RNF182: variants seen among roughly 807,000 people sequenced by gnomAD.
RNF182 encodes the protein ring finger protein 182.
In RNF182, 15 loss-of-function variants were observed where a neutral mutation model predicts 14.4. The ratio of observed to expected loss-of-function variants is 1.04; its 90% CI spans 0.70 to 1.60. The LOEUF is 1.60. RNF182 is among the 40% of genes most tolerant of loss of function. The probability of loss-of-function intolerance (pLI) is 0.00; values close to 1 mark genes in which losing one functional copy is unlikely to be tolerated. For missense variants in RNF182, 268 were observed against 294.8 expected (o/e 0.91, Z 0.67); for synonymous variants, 128 against 122.9 (o/e 1.04, Z -0.27).
At chr6:13,950,986 G>A (rs1383542087) in intron 1 of RNF182, among the ~76,000 whole-genome samples, 2 of 151,776 alleles carry the variant, frequency 1.3e-5, no homozygotes, top group Non-Finnish European at 2.9e-5. Flanking sequence ...TAGTAGAGAC[G>A]GGGTGTCACC....
rs768587531 is a variant in RNF182 at position 13,977,148 on chromosome 6, C to T, written c.29C>T (p.Ala10Val). 5.6e-6 allele frequency: 9 copies of T among 1,613,674 alleles called. No homozygotes were observed. The highest frequency in any genetic ancestry group is 4.4e-5 in the South Asian group (4 of 91,024). Reference sequence around the variant, plus strand: ...GCCAGTCAACCTCCTGAAGACACTGCGGAGTCTCAGGCCTCTGATGAGCTG... The same window carrying T: ...GCCAGTCAACCTCCTGAAGACACTGTGGAGTCTCAGGCCTCTGATGAGCTG... Reference protein sequence around the residue: MASQPPEDTAESQASDELEC... With the variant: MASQPPEDTVESQASDELEC... Residue 10 changes from alanine to valine, a missense_variant, in exon 3 of 3, where the codon GCG becomes GTG. Ala to Val is a moderately conservative substitution (Grantham distance 64). Coordinates refer to ENST00000488300, the MANE Select transcript of RNF182 (RefSeq NM_152737.4).
chr6:13,936,838 A>G (rs1435069702), intron 1 of RNF182, among the ~76,000 whole-genome samples: 1 of 152,206 alleles, frequency 6.6e-6, no homozygotes, highest in East Asian at 1.9e-4. Context: ...AGTGTGGGTA[A>G]AAGAGCTATA....
At chr6:13,954,576 T>C (rs955779914) in intron 1 of RNF182, among the ~76,000 whole-genome samples, 3 of 152,158 alleles carry the variant, frequency 2.0e-5, no homozygotes, top group Non-Finnish European at 4.4e-5. Flanking sequence ...AAATTTTTTT[T>C]TTAGCTCTTT....
At chr6:13,943,282 C>CTT (rs79895436) in intron 1 of RNF182, among the ~76,000 whole-genome samples, 3 of 142,962 alleles carry the variant, frequency 2.1e-5, no homozygotes, top group Admixed American at 7.0e-5. Context: ...GTGGTTCCTG[C>CTT]TTTTTTTTTT....
intron 1 of RNF182, among the ~76,000 whole-genome samples, chr6:13,939,096 C>A (rs1315243113): frequency 1.3e-5 from 2 of 152,044 alleles, no homozygotes; most frequent in Non-Finnish European, 1.5e-5. Context: ...AAAAACAAAA[C>A]CAAAAAGTGT....
rs1759853582 is a variant in RNF182 at position 13,960,692 on chromosome 6, T to TCAC, written c.-366-13518_-366-13517insCAC. Among the ~76,000 whole-genome samples, 50 of 137,802 alleles carry TCAC rather than the reference T, an allele frequency of 3.6e-4. 1 individual carries two copies. Among genetic ancestry groups the TCAC allele is most frequent in the Admixed American group, 2.5e-3 (35 of 13,840 alleles). 90.4% of individuals were successfully genotyped at this position (137,802 alleles called of 152,430 possible). ...GTGTGTGTGTGTGTGTGTGTGTGTGTGCGCGCGTGCACATGCATGTGATGT... is the reference window on the plus strand; with the variant it reads ...GTGTGTGTGTGTGTGTGTGTGTGTGTCACGCGCGCGTGCACATGCATGTGATGT... On this transcript the variant is annotated intron_variant, in intron 1 of 2. Coordinates refer to ENST00000488300, the MANE Select transcript of RNF182 (RefSeq NM_152737.4).
intron 1 of RNF182, among the ~76,000 whole-genome samples, chr6:13,959,809 T>C (rs1159137987): frequency 4.6e-5 from 7 of 152,058 alleles, no homozygotes; most frequent in Non-Finnish European, 8.8e-5. Flanking sequence ...CCTGTTAAAT[T>C]TGAAGTGTTT....
chr6:13,924,708 T>C (rs1758766024), upstream of RNF182: 1 of 151,828 alleles, frequency 6.6e-6, no homozygotes, highest in South Asian at 2.1e-4. Context: ...CGCTCCGCTT[T>C]AGCCTTCCCC....
chr6:13,940,170 TAAG>T, intron 1 of RNF182, among the ~76,000 whole-genome samples: 1 of 152,334 alleles, frequency 6.6e-6, no homozygotes, highest in Non-Finnish European at 1.5e-5. Flanking sequence ...TTTTATCGAT[TAAG>T]AAGATCTCTT....
At chr6:13,930,050 C>T (rs1451242568) in intron 1 of RNF182, among the ~76,000 whole-genome samples, 1 of 152,138 alleles carries the variant, frequency 6.6e-6, no homozygotes, top group Non-Finnish European at 1.5e-5. Flanking sequence ...AGAATATAGT[C>T]AGCCTTGCAT....
rs80150329 is a variant in RNF182 at position 13,955,263 on chromosome 6, C to T, written c.-366-18947C>T. 6.6e-4 allele frequency among the ~76,000 whole-genome samples: 101 copies of T among 152,238 alleles called. No individual in the cohort carries two copies. In the East Asian group the frequency reaches 0.015, roughly 23 times the overall value. ...TTTGGACCTACTGGGAGTTATCTGC[C>T]AACTCTTGATCTAGATTGATTATTG... On this transcript the variant is annotated intron_variant, in intron 1 of 2. Coordinates refer to ENST00000488300, the MANE Select transcript of RNF182 (RefSeq NM_152737.4).
chr6:13,962,535 C>T (rs191347776), intron 1 of RNF182, among the ~76,000 whole-genome samples: 1 of 152,182 alleles, frequency 6.6e-6, no homozygotes, highest in East Asian at 1.9e-4. Flanking sequence ...CCATTTTGCA[C>T]AAAATAAATT....
In RNF182 at chr6:13,977,426, G is replaced by A. The variant is rs1449011894; in HGVS notation, c.307G>A (p.Glu103Lys). ...AGGCAAAGGGAAGAAGTGCCTGCCAGAGAACCCTACTGAGCTGCTGCTCAC... is the reference window on the plus strand; with the variant it reads ...AGGCAAAGGGAAGAAGTGCCTGCCAAAGAACCCTACTGAGCTGCTGCTCAC... The part of the protein sequence containing the change: ...CGGKGKKCLP[E>K]NPTELLLTPK... The change falls in exon 3 of 3, where the codon GAG (glutamate) becomes AAG (lysine). Residue 103 changes from glutamate (E) to lysine (K), a missense_variant. Physicochemically the swap from Glu to Lys is moderately conservative, Grantham distance 56. Transcript: ENST00000488300. The A allele has an allele frequency of 6.2e-7, 1 of 1,614,160 alleles. No homozygotes were observed. Among genetic ancestry groups the A allele is most frequent in the Admixed American group, 1.7e-5 (1 of 60,022 alleles).
At chr6:13,935,943 T>C (rs561945244) in intron 1 of RNF182, among the ~76,000 whole-genome samples, 48 of 152,340 alleles carry the variant, frequency 3.2e-4, no homozygotes, top group African/African-American at 1.1e-3. Flanking sequence ...CTCACAGTTC[T>C]GCAGGCTGTA....
At chr6:13,970,158 C>T (rs1760138823) in intron 1 of RNF182, among the ~76,000 whole-genome samples, 1 of 152,122 alleles carries the variant, frequency 6.6e-6, no homozygotes, top group South Asian at 2.1e-4. Context: ...GTTGGTATTT[C>T]AAGCCTTCTG....
intron 1 of RNF182, among the ~76,000 whole-genome samples, chr6:13,942,853 T>G (rs1352288190): frequency 6.6e-6 from 1 of 152,236 alleles, no homozygotes; most frequent in Non-Finnish European, 1.5e-5. Flanking sequence ...TCACTAATGT[T>G]CTCATCTTCT....
Position 13,977,476 on chromosome 6 carries a change from C to T in RNF182, c.357C>T (p.Val119=), listed in dbSNP as rs1213782008. The T allele has an allele frequency of 6.2e-7, 1 of 1,614,160 alleles. No individual in the cohort carries two copies. The highest frequency in any genetic ancestry group is 8.5e-7 in the Non-Finnish European group (1 of 1,180,014). Residue 119 remains valine, a synonymous_variant, in exon 3 of 3, where the codon GTC becomes GTT. Transcript: ENST00000488300. Reference sequence around the variant, plus strand: ...CCCCCAAGAGGCTGGCCTCTCTGGTCAGTCCTTCTCACACGTCCTCCAACT... The same window carrying T: ...CCCCCAAGAGGCTGGCCTCTCTGGTTAGTCCTTCTCACACGTCCTCCAACT... ...LLTPKRLASL[V]SPSHTSSNCL...
intron 1 of RNF182, among the ~76,000 whole-genome samples, chr6:13,927,116 T>C (rs147194478): frequency 2.0e-3 from 311 of 152,294 alleles, no homozygotes; most frequent in African/African-American, 7.2e-3. Flanking sequence ...TCAACAATCA[T>C]GTATTGCATG....
intron 1 of RNF182, among the ~76,000 whole-genome samples, chr6:13,926,181 G>A (rs906652282): frequency 6.6e-6 from 1 of 152,138 alleles, no homozygotes; most frequent in African/African-American, 2.4e-5. Context: ...GTAAAATAAT[G>A]TATAAGTTGG....
Sources: allele counts gnomAD v4.1 joint callset (sites outside exome capture counted in the v4.1 genomes callset), GRCh38; gene constraint gnomAD v4.1.1; transcripts MANE v1.5; gene names NCBI Gene and HGNC (gene_info 2026-07-23, HGNC 2026-07-21).